The following TLE1 variants were observed in gnomAD, a reference collection of about 807,000 sequenced individuals.
TLE1 encodes the protein transducin-like enhancer protein 1.
In TLE1, 21 loss-of-function variants were observed where a neutral mutation model predicts 89.8. The ratio of observed to expected loss-of-function variants is 0.23; its 90% CI spans 0.17 to 0.34. TLE1 has a LOEUF of 0.34. Among genes scored for constraint, TLE1 ranks in the 10% least tolerant of loss-of-function variants. The probability of loss-of-function intolerance (pLI) is 1.00; values close to 1 mark genes in which losing one functional copy is unlikely to be tolerated. For missense variants in TLE1, 795 were observed against 1,031.2 expected (o/e 0.77, Z 3.14); for synonymous variants, 447 against 407.6 (o/e 1.10, Z -1.16).
intron 4 of TLE1, among the ~76,000 whole-genome samples, chr9:81,674,400 GA>G (rs1318359970): frequency 2.0e-5 from 3 of 152,098 alleles, no homozygotes; most frequent in African/African-American, 7.2e-5. Context: ...GGAGCAACCG[GA>G]AGGCCACAGC....
At chr9:81,669,867 C>CT (rs1287217609) in intron 4 of TLE1, among the ~76,000 whole-genome samples, 1 of 152,150 alleles carries the variant, frequency 6.6e-6, no homozygotes, top group Non-Finnish European at 1.5e-5. Flanking sequence ...GGCCGAGCGA[C>CT]TTTTTAAAGA....
chr9:81,584,837 G>A (rs1451540950), intron 18 of TLE1, among the ~76,000 whole-genome samples: 2 of 152,042 alleles, frequency 1.3e-5, no homozygotes, highest in Non-Finnish European at 2.9e-5. Flanking sequence ...GTCTCCTCAT[G>A]ATAAAATGGG....
chr9:81,588,601 C>G (rs751544614), intron 16 of TLE1, among the ~76,000 whole-genome samples: 1 of 152,136 alleles, frequency 6.6e-6, no homozygotes, highest in Non-Finnish European at 1.5e-5. Flanking sequence ...CCATCAGAAA[C>G]GATCAGCCAA....
intron 14 of TLE1, among the ~76,000 whole-genome samples, chr9:81,597,280 T>TA (rs59467259): frequency 3.3e-5 from 5 of 151,668 alleles, no homozygotes; most frequent in South Asian, 4.2e-4. Context: ...CACCACGACT[T>TA]AAAAAAAAGC....
At chr9:81,687,712 C>G (rs1463303032) in intron 1 of TLE1, among the ~76,000 whole-genome samples, 4 of 151,850 alleles carry the variant, frequency 2.6e-5, no homozygotes, top group Admixed American at 6.5e-5. Context: ...GGGGGCTCCC[C>G]GGCGGCCAGG....
chr9:81,616,386 C>A (rs986943267), intron 10 of TLE1, among the ~76,000 whole-genome samples: 3 of 151,930 alleles, frequency 2.0e-5, no homozygotes, highest in African/African-American at 7.3e-5. Context: ...GCCTAGAGGG[C>A]ACTGGAAGGA....
intron 4 of TLE1, among the ~76,000 whole-genome samples, chr9:81,654,436 G>A (rs1829917304): frequency 6.6e-6 from 1 of 152,098 alleles, no homozygotes; most frequent in Admixed American, 6.5e-5. Context: ...TGCCTCCCGG[G>A]TTCACACCCT....
rs201075687 is a variant in TLE1, at chr9:81,646,274, AAAAC to A, written c.372+5936_372+5939del. Reference sequence around the variant, plus strand: ...CAGGCGCCTAGTTGTGCTCTCAGTAAAAACAAACAAACAAATTTAACCAAAGGAG... The same window carrying A: ...CAGGCGCCTAGTTGTGCTCTCAGTAAAAACAAACAAATTTAACCAAAGGAG... On this transcript the variant is annotated intron_variant, in intron 6 of 19. Transcript: ENST00000376499. Among the ~76,000 whole-genome samples, 10 of 152,348 alleles carry A rather than the reference AAAAC, an allele frequency of 6.6e-5. No homozygotes were observed. The East Asian group carries it at 1.5e-3, about 23-fold the overall frequency.
chr9:81,669,550 G>A (rs557186177), intron 4 of TLE1, among the ~76,000 whole-genome samples: 3 of 152,214 alleles, frequency 2.0e-5, no homozygotes, highest in East Asian at 3.9e-4. Context: ...TGCAGTGTAG[G>A]GGCATGTGCC....
At chr9:81,647,703 A>G (rs1279727026) in intron 6 of TLE1, among the ~76,000 whole-genome samples, 2 of 152,200 alleles carry the variant, frequency 1.3e-5, no homozygotes, top group Non-Finnish European at 2.9e-5. Flanking sequence ...ATTACCATCT[A>G]CAGATAGGGG....
intron 9 of TLE1, among the ~76,000 whole-genome samples, chr9:81,617,238 A>G (rs577078331): frequency 6.6e-6 from 1 of 152,334 alleles, no homozygotes; most frequent in Middle Eastern, 3.4e-3. Context: ...AATTAAAAAT[A>G]AACCTTTTTA....
At chr9:81,665,069 C>A (rs1364105087) in intron 4 of TLE1, among the ~76,000 whole-genome samples, 4 of 152,148 alleles carry the variant, frequency 2.6e-5, no homozygotes, top group Non-Finnish European at 5.9e-5. Context: ...AAGATCAGAA[C>A]AAGACAGTGG....
chr9:81,613,335 T>C (rs376266114), intron 12 of TLE1, 42 bp downstream of exon 12: 43 of 1,600,128 alleles, frequency 2.7e-5, no homozygotes, highest in East Asian at 4.5e-5. Flanking sequence ...AAGCTGGGAA[T>C]GGGAGAAACC....
chr9:81,681,048 AC>A (rs927105618), intron 4 of TLE1, among the ~76,000 whole-genome samples: 4 of 152,128 alleles, frequency 2.6e-5, no homozygotes, highest in African/African-American at 4.8e-5. Flanking sequence ...TTTTTTAAAA[AC>A]CCACTAAAGA....
At chr9:81,661,761 C>A (rs1472255099) in intron 4 of TLE1, among the ~76,000 whole-genome samples, 1 of 151,976 alleles carries the variant, frequency 6.6e-6, no homozygotes, top group Non-Finnish European at 1.5e-5. Flanking sequence ...TTAAATCCCC[C>A]CCCCAAAAAA....
At position 81,688,975 on chromosome 9, in the gene TLE1, G is replaced by A. The variant is rs919873552; in HGVS notation, c.-735C>T. ...GCGACCAGCACTCGGTGTTCTCCGCGGTTGCACAAACCCTCCGGGCCCGAC... is the reference window on the plus strand; with the variant it reads ...GCGACCAGCACTCGGTGTTCTCCGCAGTTGCACAAACCCTCCGGGCCCGAC... On this transcript the variant is annotated 5_prime_UTR_variant, in exon 1 of 20. Transcript: ENST00000376499. The A allele has an allele frequency of 6.6e-6, 1 of 152,254 alleles. No individual in the cohort carries two copies. The highest frequency in any genetic ancestry group is 6.5e-5 in the Admixed American group (1 of 15,288). 9.4% of individuals were successfully genotyped at this position (152,254 alleles called of 1,614,324 possible). A position where few individuals can be genotyped will look rare whatever the true frequency, so the allele number is the denominator to read the frequency against.
intron 8 of TLE1, among the ~76,000 whole-genome samples, chr9:81,627,760 T>A (rs1826079593): frequency 6.6e-6 from 1 of 152,228 alleles, no homozygotes; most frequent in Non-Finnish European, 1.5e-5. Flanking sequence ...CCTCCTAGGC[T>A]GTGTCTACTT....
intron 4 of TLE1, among the ~76,000 whole-genome samples, chr9:81,658,217 C>T (rs1159184867): frequency 6.6e-6 from 1 of 151,480 alleles, no homozygotes; most frequent in Non-Finnish European, 1.5e-5. Context: ...TGTGCCTGGC[C>T]GATGCAATGT....
chr9:81,654,626 C>A (rs1829946666), intron 4 of TLE1, among the ~76,000 whole-genome samples: 1 of 152,202 alleles, frequency 6.6e-6, no homozygotes, highest in Admixed American at 6.5e-5. Context: ...CAGGCGTGAG[C>A]CACTGCACCC....
Sources: allele counts gnomAD v4.1 joint callset (sites outside exome capture counted in the v4.1 genomes callset), GRCh38; gene constraint gnomAD v4.1.1; transcripts MANE v1.5; gene names NCBI Gene and HGNC (gene_info 2026-07-23, HGNC 2026-07-21).